CENPW: variants seen among roughly 807,000 people sequenced by gnomAD.
The protein encoded by CENPW is cancer-up-regulated gene 2 protein.
CENPW carries 3 observed loss-of-function variants against 11.1 expected under a neutral mutation model. The observed-to-expected ratio is 0.27, with a 90% CI of 0.12 to 0.70. The LOEUF (loss-of-function observed/expected upper bound fraction) is 0.70, where lower values mean the gene tolerates loss of function less well. Ranked by LOEUF, CENPW falls within the 30% of genes least tolerant of loss-of-function variation. The probability of loss-of-function intolerance (pLI) is 0.77; values close to 1 mark genes in which losing one functional copy is unlikely to be tolerated. For missense variants in CENPW, 100 were observed against 105.6 expected (o/e 0.95, Z 0.23); for synonymous variants, 38 against 42.0 (o/e 0.91, Z 0.37).
the CENPW span, among the ~76,000 whole-genome samples, chr6:126,359,553 T>C: frequency 6.6e-6 from 1 of 152,176 alleles, no homozygotes; most frequent in South Asian, 2.1e-4. Flanking sequence ...TATGTGTCTG[T>C]CTAAGTTTTT....
the CENPW span, among the ~76,000 whole-genome samples, chr6:126,441,330 T>A: frequency 6.6e-6 from 1 of 151,384 alleles, no homozygotes; most frequent in South Asian, 2.1e-4. Context: ...GATGCTCTGT[T>A]CCTGACTCTA....
chr6:126,349,728 T>C (rs1285509670), downstream of CENPW, among the ~76,000 whole-genome samples: 2 of 152,298 alleles, frequency 1.3e-5, no homozygotes, highest in East Asian at 3.9e-4. Flanking sequence ...TTTTGGTTAC[T>C]TACAGTTTTG....
chr6:126,377,944 C>T, the CENPW span, among the ~76,000 whole-genome samples: 3 of 152,130 alleles, frequency 2.0e-5, no homozygotes, highest in Non-Finnish European at 4.4e-5. Context: ...ACATATTGCC[C>T]AAGTTACACA....
the CENPW span, among the ~76,000 whole-genome samples, chr6:126,376,571 C>T: frequency 9.2e-5 from 14 of 152,166 alleles, no homozygotes; most frequent in East Asian, 1.7e-3. Flanking sequence ...TTGACAGGGC[C>T]GTGGTTGATA....
chr6:126,350,992 G>A (rs1780484573), downstream of CENPW, among the ~76,000 whole-genome samples: 1 of 150,976 alleles, frequency 6.6e-6, no homozygotes, highest in Non-Finnish European at 1.5e-5. Context: ...GCTGGACTAG[G>A]GAATTTTGGT....
At chr6:126,384,059 C>G in the CENPW span, among the ~76,000 whole-genome samples, 1 of 152,128 alleles carries the variant, frequency 6.6e-6, no homozygotes, top group Non-Finnish European at 1.5e-5. Flanking sequence ...CTCTCTTGGA[C>G]CACAGTGCAA....
At chr6:126,443,645 C>G in the CENPW span, among the ~76,000 whole-genome samples, 1 of 151,112 alleles carries the variant, frequency 6.6e-6, no homozygotes, top group South Asian at 2.1e-4. Flanking sequence ...TTTTCTTTCT[C>G]CCTGCACTTC....
the CENPW span, among the ~76,000 whole-genome samples, chr6:126,428,379 A>G: frequency 6.6e-6 from 1 of 152,212 alleles, no homozygotes; most frequent in Non-Finnish European, 1.5e-5. Flanking sequence ...AGAACTGAAT[A>G]TATTTTCATG....
the CENPW span, among the ~76,000 whole-genome samples, chr6:126,459,371 A>G: frequency 6.6e-6 from 1 of 151,444 alleles, no homozygotes; most frequent in Admixed American, 6.6e-5. Flanking sequence ...CTCCAGAATG[A>G]TGAGAAGTAA....
chr6:126,420,184 T>G, the CENPW span, among the ~76,000 whole-genome samples: 1 of 152,028 alleles, frequency 6.6e-6, no homozygotes, highest in Non-Finnish European at 1.5e-5. Flanking sequence ...AGTACAGCAC[T>G]CCAGGCAGAA....
the CENPW span, among the ~76,000 whole-genome samples, chr6:126,389,327 GT>G: frequency 6.6e-6 from 1 of 151,886 alleles, no homozygotes; most frequent in East Asian, 1.9e-4. Flanking sequence ...AGAGTACTTT[GT>G]TTTTTGTTAA....
chr6:126,358,169 GCCTTTTCCTATTTGAATT>G, the CENPW span, among the ~76,000 whole-genome samples: 1 of 151,908 alleles, frequency 6.6e-6, no homozygotes, highest in Non-Finnish European at 1.5e-5. Flanking sequence ...AAGATATATT[GCCTTTTCCTATTTGAATT>G]CCTTTTCCTT....
the CENPW span, among the ~76,000 whole-genome samples, chr6:126,371,576 T>C: frequency 6.6e-6 from 1 of 152,176 alleles, no homozygotes; most frequent in Non-Finnish European, 1.5e-5. Flanking sequence ...CTGGTTTTGA[T>C]ATTAGGGTGA....
At chr6:126,418,461 T>C in the CENPW span, among the ~76,000 whole-genome samples, 1 of 152,052 alleles carries the variant, frequency 6.6e-6, no homozygotes, top group Non-Finnish European at 1.5e-5. Context: ...ACGAAGACAA[T>C]AATAAGATCA....
At chr6:126,452,570 G>A in the CENPW span, among the ~76,000 whole-genome samples, 1 of 150,740 alleles carries the variant, frequency 6.6e-6, no homozygotes, top group Non-Finnish European at 1.5e-5. Flanking sequence ...GGGTCAATAG[G>A]AATTATATAA....
chr6:126,473,697 C>T, the CENPW span, among the ~76,000 whole-genome samples: 1 of 151,920 alleles, frequency 6.6e-6, no homozygotes, highest in Admixed American at 6.6e-5. Context: ...CACACCACCA[C>T]ACTCCAGTCT....
chr6:126,349,547 C>A (rs1307235581), downstream of CENPW, among the ~76,000 whole-genome samples: 1 of 152,130 alleles, frequency 6.6e-6, no homozygotes, highest in Non-Finnish European at 1.5e-5. Context: ...TGGATGGAAT[C>A]ATACAAGAGG....
chr6:126,387,376 G>C, the CENPW span, among the ~76,000 whole-genome samples: 1 of 151,900 alleles, frequency 6.6e-6, no homozygotes. Context: ...GGCGTAGCTT[G>C]ATTTTGGAAA....
chr6:126,416,451 C>G, the CENPW span, among the ~76,000 whole-genome samples: 11 of 152,278 alleles, frequency 7.2e-5, no homozygotes, highest in Admixed American at 6.5e-4. Context: ...ATTAACGAGC[C>G]AAATGTGAAT....
Sources: gnomAD v4.1 joint callset for allele counts (sites outside exome capture counted in the v4.1 genomes callset) on GRCh38, gnomAD v4.1.1 for gene constraint, MANE v1.5 for transcripts, NCBI Gene and HGNC (gene_info 2026-07-23, HGNC 2026-07-21) for gene names.